The following FUT8 variants were observed in gnomAD, a reference collection of about 807,000 sequenced individuals.
The protein encoded by FUT8 is fucosyltransferase 8.
A neutral mutation model predicts 71.3 loss-of-function variants in FUT8; 29 were observed. The ratio of observed to expected loss-of-function variants is 0.41; its 90% CI spans 0.30 to 0.55. The LOEUF is 0.55. Ranked by LOEUF, FUT8 falls within the 20% of genes least tolerant of loss-of-function variation. The probability of loss-of-function intolerance (pLI) is 0.34; values close to 1 mark genes in which losing one functional copy is unlikely to be tolerated. For synonymous variants in FUT8, 254 were observed against 239.3 expected (o/e 1.06, Z -0.57); for missense variants, 544 against 702.1 (o/e 0.77, Z 2.55).
chr14:65,523,658 T>C (rs1338947127), intron 2 of FUT8, among the ~76,000 whole-genome samples: 1 of 152,246 alleles, frequency 6.6e-6, no homozygotes, highest in Non-Finnish European at 1.5e-5. Context: ...CATGCCTATA[T>C]CCTAAATGGT....
At chr14:65,679,044 C>T (rs1892905094) in intron 7 of FUT8, among the ~76,000 whole-genome samples, 1 of 152,144 alleles carries the variant, frequency 6.6e-6, no homozygotes, top group Non-Finnish European at 1.5e-5. Flanking sequence ...TAGGAATGAA[C>T]TGGAACATTT....
chr14:65,528,564 A>G (rs952567944), intron 2 of FUT8, among the ~76,000 whole-genome samples: 1 of 152,118 alleles, frequency 6.6e-6, no homozygotes, highest in African/African-American at 2.4e-5. Flanking sequence ...TCCTGCATCC[A>G]CTGTCTGACA....
At chr14:65,412,191 C>T (rs1953417), upstream of FUT8, 53,858 of 456,640 alleles carry the variant, frequency 0.12, 4,295 homozygotes, top group East Asian at 0.39. Context: ...AGTAGGGCTT[C>T]GCTGAGTCTC....
intron 2 of FUT8, among the ~76,000 whole-genome samples, chr14:65,532,543 A>G (rs578103640): frequency 3.3e-5 from 5 of 152,120 alleles, no homozygotes; most frequent in Non-Finnish European, 5.9e-5. Flanking sequence ...CCTTTGTCAG[A>G]TTCATAGACC....
Position 65,660,925 on chromosome 14 carries a change from T to G in FUT8, c.598-8318T>G, listed in dbSNP as rs145212974. ...ATTGTTTCTAATATAATGAAATGCTTTCACTACACTATTAATGAATTCGTT... is the reference window on the plus strand; with the variant it reads ...ATTGTTTCTAATATAATGAAATGCTGTCACTACACTATTAATGAATTCGTT... On this transcript the variant is annotated intron_variant, in intron 6 of 10. Transcript: ENST00000673929. This position sits in a 1 kb window ranked among gnomAD's most constrained non-coding sequence, Gnocchi z 4.1. 8.5e-5 allele frequency among the ~76,000 whole-genome samples: 13 copies of G among 152,326 alleles called. No homozygotes were observed. In the East Asian group the frequency reaches 2.5e-3, roughly 29 times the overall value.
chr14:65,539,103 C>T (rs534505296), intron 2 of FUT8, among the ~76,000 whole-genome samples: 7 of 152,182 alleles, frequency 4.6e-5, no homozygotes, highest in African/African-American at 1.7e-4. Context: ...AAACTCACAT[C>T]GATACATGGT....
intron 2 of FUT8, among the ~76,000 whole-genome samples, chr14:65,460,976 G>T (rs1263762480): frequency 6.6e-6 from 1 of 152,168 alleles, no homozygotes; most frequent in Non-Finnish European, 1.5e-5. Context: ...GACTGGTAAA[G>T]TCATGTTAAT....
chr14:65,552,081 T>C (rs1039314600), intron 2 of FUT8, among the ~76,000 whole-genome samples: 2 of 152,202 alleles, frequency 1.3e-5, no homozygotes, highest in South Asian at 2.1e-4. Context: ...TTTCAAATTA[T>C]AGTATTATAA....
chr14:65,539,036 T>G (rs569130627), intron 2 of FUT8, among the ~76,000 whole-genome samples: 1 of 152,352 alleles, frequency 6.6e-6, no homozygotes, highest in East Asian at 1.9e-4. Context: ...CGATATAAAA[T>G]GAAGACATTT....
chr14:65,720,380 C>T (rs1266944694), intron 7 of FUT8, among the ~76,000 whole-genome samples: 2 of 152,174 alleles, frequency 1.3e-5, no homozygotes, highest in African/African-American at 2.4e-5. Flanking sequence ...CCCTTCTGGC[C>T]CAGGCAGGTC....
intron 7 of FUT8, among the ~76,000 whole-genome samples, chr14:65,708,667 AT>A (rs1164162228): frequency 6.6e-6 from 1 of 151,482 alleles, no homozygotes; most frequent in Non-Finnish European, 1.5e-5. Context: ...AACACTATTG[AT>A]TTTTGTATAT....
chr14:65,451,785 T>C (rs917934586), intron 1 of FUT8, among the ~76,000 whole-genome samples: 1 of 152,208 alleles, frequency 6.6e-6, no homozygotes, highest in South Asian at 2.1e-4. Context: ...AGTAATGCCA[T>C]CAAGCTGTCC....
chr14:65,529,810 C>G (rs1026779335), intron 2 of FUT8, among the ~76,000 whole-genome samples: 1 of 152,144 alleles, frequency 6.6e-6, no homozygotes. Context: ...CTAGGGCAGT[C>G]TAGAGTAACA....
rs560014428 is a variant in FUT8, at chr14:65,431,371, G to A, written c.-326+18157G>A. 1.7e-4 allele frequency among the ~76,000 whole-genome samples: 24 copies of A among 140,498 alleles called. No individual in the cohort carries two copies. In the South Asian group the frequency reaches 2.7e-3, roughly 16 times the overall value. 92.2% of individuals were successfully genotyped at this position (140,498 alleles called of 152,430 possible). Reference sequence around the variant, plus strand: ...TGTTGCCCAGACTAAGGGGAGTGGCGCAATCCCAGCTCACTGCAGCCTCAA... The same window carrying A: ...TGTTGCCCAGACTAAGGGGAGTGGCACAATCCCAGCTCACTGCAGCCTCAA... On this transcript the variant is annotated intron_variant, in intron 1 of 10. Transcript: ENST00000673929.
At chr14:65,611,307 C>CCTA (rs112511336) in intron 3 of FUT8, among the ~76,000 whole-genome samples, 1 of 102,414 alleles carries the variant, frequency 9.8e-6, no homozygotes, top group Non-Finnish European at 1.9e-5. Context: ...ACACACCCCC[C>CCTA]AAGTAATAGC....
At chr14:65,362,246 A>G in the FUT8 span, among the ~76,000 whole-genome samples, 2 of 152,184 alleles carry the variant, frequency 1.3e-5, no homozygotes, top group South Asian at 4.1e-4. Context: ...CCTGTCAACA[A>G]TTGTTCCCTC....
intron 3 of FUT8, among the ~76,000 whole-genome samples, chr14:65,589,441 C>CTT (rs35606286): frequency 0.52 from 57,656 of 109,866 alleles, 16,604 homozygotes; most frequent in East Asian, 0.6. Flanking sequence ...TGCCTTAAAT[C>CTT]TTTTTTTTTT....
intron 1 of FUT8, among the ~76,000 whole-genome samples, chr14:65,417,982 G>A (rs2065242478): frequency 6.6e-6 from 1 of 152,146 alleles, no homozygotes; most frequent in Non-Finnish European, 1.5e-5. Context: ...TGACTGGTCA[G>A]TATAAAGTTC....
At chr14:65,736,824 C>T (rs1030549352) in intron 10 of FUT8, among the ~76,000 whole-genome samples, 4 of 151,990 alleles carry the variant, frequency 2.6e-5, no homozygotes, top group African/African-American at 9.7e-5. Context: ...ATTTCATGTG[C>T]CAAGAGATGT....
Sources: gnomAD v4.1 joint callset for allele counts (sites outside exome capture counted in the v4.1 genomes callset) on GRCh38, gnomAD v4.1.1 for gene constraint, Gnocchi (gnomAD v3.1) non-coding constraint, MANE v1.5 for transcripts, NCBI Gene and HGNC (gene_info 2026-07-23, HGNC 2026-07-21) for gene names.